ARID4B: variants seen among roughly 807,000 people sequenced by gnomAD.
The protein encoded by ARID4B is AT-rich interaction domain 4B.
ARID4B carries 26 observed loss-of-function variants against 147.5 expected under a neutral mutation model. That is an observed-to-expected ratio of 0.18 (90% CI 0.13 to 0.24). The LOEUF is 0.24. Among genes scored for constraint, ARID4B ranks in the 10% least tolerant of loss-of-function variants. ARID4B has a pLI of 1.00. For missense variants in ARID4B, 1,179 were observed against 1,511.5 expected, an observed-to-expected ratio of 0.78 and a Z score of 3.65; for synonymous variants, 512 against 507.9, an observed-to-expected ratio of 1.01 and a Z score of -0.11.
intron 2 of ARID4B, among the ~76,000 whole-genome samples, chr1:235,276,947 T>G (rs1671354453): frequency 7.0e-6 from 1 of 143,696 alleles, no homozygotes. Context: ...TTGCAGTGAG[T>G]CGAGATTGTG....
intron 22 of ARID4B, among the ~76,000 whole-genome samples, chr1:235,174,683 G>A (rs1295389902): frequency 3.3e-5 from 5 of 151,846 alleles, no homozygotes; most frequent in Non-Finnish European, 7.4e-5. Context: ...GTGGTGGTGG[G>A]CGTCTGTAAT....
chr1:235,260,756 A>C lies in ARID4B; in HGVS notation c.7-4T>G. ...AATAGGGAGGCTCATCAAGGGCCTA[A>C]AAATGCAAAGAAATATAATTAGATT... On this transcript the variant is annotated splice_region_variant and splice_polypyrimidine_tract_variant and intron_variant, in intron 2 of 23. Coordinates refer to ENST00000264183, the MANE Select transcript of ARID4B (RefSeq NM_016374.6). 1 of 1,579,582 alleles carries C rather than the reference A, an allele frequency of 6.3e-7. No individual in the cohort carries two copies. The highest frequency in any genetic ancestry group is 8.7e-7 in the Non-Finnish European group (1 of 1,155,414).
At chr1:235,183,275 G>C (rs1171325011) in intron 19 of ARID4B, among the ~76,000 whole-genome samples, 2 of 150,566 alleles carry the variant, frequency 1.3e-5, no homozygotes, top group African/African-American at 4.9e-5. Flanking sequence ...GTGGCGTGAT[G>C]TCGGCTCACA....
At chr1:235,176,425 TAAC>T (rs1663871222) in intron 21 of ARID4B, among the ~76,000 whole-genome samples, 1 of 67,938 alleles carries the variant, frequency 1.5e-5, no homozygotes, top group South Asian at 5.8e-4. Flanking sequence ...ATTTTTCACT[TAAC>T]AACATCACCA....
chr1:235,245,268 T>C (rs1006683456), intron 7 of ARID4B, among the ~76,000 whole-genome samples: 2 of 152,182 alleles, frequency 1.3e-5, no homozygotes, highest in African/African-American at 4.8e-5. Flanking sequence ...TTTATTCTCA[T>C]ATTCACAAAA....
At chr1:235,182,875 A>T in intron 19 of ARID4B, 82 bp from the exon 20 acceptor site, 1 of 1,396,042 alleles carries the variant, frequency 7.2e-7, no homozygotes, top group Non-Finnish European at 9.6e-7. Flanking sequence ...TGTATATATT[A>T]GGTCCTGTGT....
intron 16 of ARID4B, among the ~76,000 whole-genome samples, chr1:235,215,295 T>C (rs189326456): frequency 2.9e-3 from 438 of 152,224 alleles, no homozygotes; most frequent in Non-Finnish European, 4.3e-3. Context: ...TTTTAAAAAA[T>C]TTCAATATGA....
chr1:235,312,635 T>TA (rs1444883358), intron 2 of ARID4B, among the ~76,000 whole-genome samples: 5 of 151,676 alleles, frequency 3.3e-5, no homozygotes, highest in African/African-American at 7.3e-5. Flanking sequence ...GGCTTGCCTT[T>TA]AAAAAAAACA....
chr1:235,291,444 T>G (rs964977682), intron 2 of ARID4B, among the ~76,000 whole-genome samples: 1 of 151,792 alleles, frequency 6.6e-6, no homozygotes, highest in East Asian at 1.9e-4. Flanking sequence ...TAAAATAAAT[T>G]TTTAATTAAA....
At chr1:235,316,614 C>T (rs140553407) in intron 2 of ARID4B, among the ~76,000 whole-genome samples, 3 of 150,390 alleles carry the variant, frequency 2.0e-5, no homozygotes, top group Admixed American at 6.6e-5. Context: ...GTCTGGAGTT[C>T]GAGAGACCAG....
At chr1:235,222,508 T>C (rs1405524546) in intron 13 of ARID4B, among the ~76,000 whole-genome samples, 1 of 152,058 alleles carries the variant, frequency 6.6e-6, no homozygotes, top group African/African-American at 2.4e-5. Context: ...ATTAAGAATA[T>C]ACAGAATATT....
At chr1:235,249,800 C>T (rs937438304) in intron 6 of ARID4B, among the ~76,000 whole-genome samples, 2 of 151,986 alleles carry the variant, frequency 1.3e-5, no homozygotes, top group East Asian at 1.9e-4. Flanking sequence ...ATTAGCTGGG[C>T]GTGGTGGCAC....
chr1:235,184,477 ACCC>A (rs1167216764), intron 19 of ARID4B, among the ~76,000 whole-genome samples: 1 of 152,106 alleles, frequency 6.6e-6, no homozygotes, highest in Admixed American at 6.5e-5. Flanking sequence ...AGGTTAATCT[ACCC>A]CCCAAGGTAG....
At chr1:235,318,621 C>A (rs979362476) in intron 2 of ARID4B, among the ~76,000 whole-genome samples, 3 of 152,158 alleles carry the variant, frequency 2.0e-5, no homozygotes, top group African/African-American at 7.2e-5. Context: ...GTGTCTGAAT[C>A]TTGTAATCCC....
chr1:235,262,268 T>C (rs966572285), intron 2 of ARID4B, among the ~76,000 whole-genome samples: 4 of 152,320 alleles, frequency 2.6e-5, no homozygotes, highest in East Asian at 1.9e-4. Context: ...TCTAGTGCTA[T>C]AACAGGAGTG....
chr1:235,302,153 G>GAAAAAAAAAAAAAAAAAAAAAAAAAA (rs749154889), intron 2 of ARID4B, among the ~76,000 whole-genome samples: 4 of 30,654 alleles, frequency 1.3e-4, no homozygotes, highest in African/African-American at 2.7e-4. Flanking sequence ...TCAAAAAACG[G>GAAAAAAAAAAAAAAAAAAAAAAAAAA]AAAAAAAAAA....
Position 235,267,288 on chromosome 1 carries a change from A to G in ARID4B, c.7-6536T>C, listed in dbSNP as rs550140612. Among the ~76,000 whole-genome samples, 113 of 152,338 alleles carry G rather than the reference A, an allele frequency of 7.4e-4. 1 individual carries two copies. The highest frequency in any genetic ancestry group is 6.3e-3 in the Admixed American group (96 of 15,306). ...GCAAGGCTCTGTCAAAAAACAAAAC[A>G]AAACAAAACAAAAAACCATCATTAA... is the stretch of plus-strand genomic sequence containing the variant. On this transcript the variant is annotated intron_variant, in intron 2 of 23. Coordinates refer to ENST00000264183, the MANE Select transcript of ARID4B (RefSeq NM_016374.6).
At chr1:235,169,359 GC>G (rs1034305283) in intron 23 of ARID4B, among the ~76,000 whole-genome samples, 7 of 151,278 alleles carry the variant, frequency 4.6e-5, no homozygotes, top group East Asian at 1.9e-4. Flanking sequence ...TCCTGCCTCA[GC>G]CCCCCCAGTA....
At chr1:235,266,970 A>G (rs910903014) in intron 2 of ARID4B, among the ~76,000 whole-genome samples, 29 of 152,248 alleles carry the variant, frequency 1.9e-4, no homozygotes, top group African/African-American at 6.5e-4. Flanking sequence ...CAAGAGTATT[A>G]AATTTGATCA....
Sources: allele counts gnomAD v4.1 joint callset (sites outside exome capture counted in the v4.1 genomes callset), GRCh38; gene constraint gnomAD v4.1.1; transcripts MANE v1.5; gene names NCBI Gene and HGNC (gene_info 2026-07-23, HGNC 2026-07-21).